Variants in ABTB3 observed in about 807,000 individuals in gnomAD.
ABTB3 encodes ankyrin repeat and BTB domain containing 3, also known as ankyrin repeat- and BTB/POZ domain-containing protein 3.
chr12:107,318,872 G>A, the ABTB3 span: 1 of 1,477,988 alleles, frequency 6.8e-7, no homozygotes, highest in South Asian at 1.4e-5. Flanking sequence ...CGCGCCCCGC[G>A]GCACTCGCTG....
At chr12:107,512,264 T>C in the ABTB3 span, among the ~76,000 whole-genome samples, 2 of 152,364 alleles carry the variant, frequency 1.3e-5, no homozygotes, top group Admixed American at 6.5e-5. Flanking sequence ...TAAAAATATG[T>C]ACAACATTGT....
chr12:107,393,489 C>T, the ABTB3 span, among the ~76,000 whole-genome samples: 405 of 152,314 alleles, frequency 2.7e-3, 3 homozygotes, highest in African/African-American at 8.8e-3. Context: ...ACGCCAGCTG[C>T]CCAGTGGCAC....
At chr12:107,322,115 T>C in the ABTB3 span, among the ~76,000 whole-genome samples, 1 of 152,368 alleles carries the variant, frequency 6.6e-6, no homozygotes, top group South Asian at 2.1e-4. Flanking sequence ...TCAAATAGGT[T>C]TTACTTTTAT....
the ABTB3 span, among the ~76,000 whole-genome samples, chr12:107,428,847 T>C: frequency 2.0e-5 from 3 of 152,366 alleles, no homozygotes; most frequent in Admixed American, 2.0e-4. Context: ...GCAGCACTCG[T>C]CATGTCACTT....
At chr12:107,468,591 C>T in the ABTB3 span, among the ~76,000 whole-genome samples, 2 of 151,992 alleles carry the variant, frequency 1.3e-5, no homozygotes, top group Non-Finnish European at 2.9e-5. Flanking sequence ...AGACGGGCTG[C>T]GGATTGTGAG....
chr12:107,566,464 A>G, the ABTB3 span, among the ~76,000 whole-genome samples: 1 of 152,244 alleles, frequency 6.6e-6, no homozygotes, highest in South Asian at 2.1e-4. Context: ...TAGTTATAAC[A>G]GAATTACTAA....
At chr12:107,355,165 C>G in the ABTB3 span, among the ~76,000 whole-genome samples, 1 of 152,236 alleles carries the variant, frequency 6.6e-6, no homozygotes, top group Non-Finnish European at 1.5e-5. Flanking sequence ...TCTCCCCAGG[C>G]CGCCAGCCTC....
the ABTB3 span, among the ~76,000 whole-genome samples, chr12:107,451,317 A>T: frequency 6.6e-6 from 1 of 152,024 alleles, no homozygotes; most frequent in Non-Finnish European, 1.5e-5. Context: ...AGATGCTGCA[A>T]CTCCAAAGGT....
the ABTB3 span, among the ~76,000 whole-genome samples, chr12:107,411,227 G>A: frequency 2.0e-5 from 3 of 152,298 alleles, no homozygotes; most frequent in East Asian, 5.8e-4. Flanking sequence ...TTGAACCCAG[G>A]AGGCAGAGGT....
chr12:107,543,506 G>A, the ABTB3 span, among the ~76,000 whole-genome samples: 1 of 152,090 alleles, frequency 6.6e-6, no homozygotes, highest in South Asian at 2.1e-4. Context: ...AGAATGTTCT[G>A]GACAGAGGGA....
At chr12:107,645,066 G>A in the ABTB3 span, among the ~76,000 whole-genome samples, 30 of 149,190 alleles carry the variant, frequency 2.0e-4, no homozygotes, top group African/African-American at 7.2e-4. Context: ...TCCGCCTCCC[G>A]GGTTCAAGTG....
chr12:107,588,591 G>A, the ABTB3 span, among the ~76,000 whole-genome samples: 1 of 152,176 alleles, frequency 6.6e-6, no homozygotes, highest in South Asian at 2.1e-4. Context: ...CATGATCTCA[G>A]CTCACCTCAA....
At chr12:107,373,580 T>G in the ABTB3 span, among the ~76,000 whole-genome samples, 7 of 152,192 alleles carry the variant, frequency 4.6e-5, no homozygotes, top group African/African-American at 1.4e-4. Context: ...AGCTGTGATA[T>G]TATGCAGAGG....
At chr12:107,515,788 A>G in the ABTB3 span, among the ~76,000 whole-genome samples, 58,973 of 151,926 alleles carry the variant, frequency 0.39, 12,050 homozygotes, top group African/African-American at 0.5. Flanking sequence ...GAGGGTTCCT[A>G]AAGTACAGCA....
the ABTB3 span, among the ~76,000 whole-genome samples, chr12:107,569,261 T>C: frequency 2.2e-4 from 33 of 152,214 alleles, no homozygotes; most frequent in Admixed American, 4.6e-4. Context: ...AAAAAAGAGA[T>C]TCTGCTTGGT....
chr12:107,657,487 A>G, the ABTB3 span: 1 of 1,608,332 alleles, frequency 6.2e-7, no homozygotes, highest in South Asian at 1.1e-5. Context: ...ACCATCTCCC[A>G]TTTCCTCTCC....
chr12:107,439,028 C>A, the ABTB3 span, among the ~76,000 whole-genome samples: 16 of 152,198 alleles, frequency 1.1e-4, no homozygotes, highest in South Asian at 3.3e-3. Context: ...TTTTATTATT[C>A]TGGTTGTTAA....
the ABTB3 span, among the ~76,000 whole-genome samples, chr12:107,485,283 G>A: frequency 6.6e-6 from 1 of 152,040 alleles, no homozygotes; most frequent in Non-Finnish European, 1.5e-5. Context: ...ATGGAAAATT[G>A]TTAACCAGTG....
At chr12:107,354,796 G>A in the ABTB3 span, among the ~76,000 whole-genome samples, 1 of 152,066 alleles carries the variant, frequency 6.6e-6, no homozygotes, top group Non-Finnish European at 1.5e-5. Context: ...AGCCATCCTC[G>A]TGGGTGTGAA....
Sources: gnomAD v4.1 joint callset for allele counts (sites outside exome capture counted in the v4.1 genomes callset) on GRCh38, gnomAD v4.1.1 for gene constraint, MANE v1.5 for transcripts, NCBI Gene and HGNC (gene_info 2026-07-23, HGNC 2026-07-21) for gene names.